Variants in GSTCD observed in about 807,000 individuals in gnomAD.
GSTCD encodes glutathione S-transferase C-terminal domain-containing protein.
GSTCD carries 44 observed loss-of-function variants against 68.3 expected under a neutral mutation model. That is an observed-to-expected ratio of 0.64 (90% CI 0.51 to 0.83). GSTCD has a LOEUF of 0.83. Ranked by LOEUF, GSTCD falls within the 40% of genes least tolerant of loss-of-function variation. GSTCD has a pLI of 0.00. For missense variants in GSTCD, 739 were observed against 735.9 expected (o/e 1.00, Z -0.05); for synonymous variants, 273 against 255.2 (o/e 1.07, Z -0.67).
rs1732412581 is a variant in GSTCD at position 105,708,934 on chromosome 4, C to G, written c.-104C>G. The G allele has an allele frequency of 6.5e-6, 1 of 152,754 alleles. No individual in the cohort carries two copies. Among genetic ancestry groups the G allele is most frequent in the Non-Finnish European group, 1.5e-5 (1 of 68,168 alleles). 9.5% of individuals were successfully genotyped at this position (152,754 alleles called of 1,614,324 possible). The stretch of plus-strand genomic sequence containing the variant: ...CAGAGGCAGCCTTGGAATTCCAGCT[C>G]GGACTGGGCGGGAAGGCGCAGGCGG... On this transcript the variant is annotated 5_prime_UTR_variant, in exon 1 of 12. Coordinates refer to ENST00000515279, the MANE Select transcript of GSTCD (RefSeq NM_001370181.1).
At chr4:105,839,617 G>C (rs1379507571) in intron 10 of GSTCD, among the ~76,000 whole-genome samples, 2 of 151,946 alleles carry the variant, frequency 1.3e-5, no homozygotes, top group East Asian at 1.9e-4. Flanking sequence ...TTTCAGCCCG[G>C]GTGAGAGAGT....
At chr4:105,811,594 G>C (rs1722754612) in intron 5 of GSTCD, among the ~76,000 whole-genome samples, 1 of 150,968 alleles carries the variant, frequency 6.6e-6, no homozygotes, top group Admixed American at 6.6e-5. Context: ...TGACGAGTTA[G>C]TGGGTGCAGC....
At chr4:105,743,630 A>ATTT (rs1410352899) in intron 5 of GSTCD, among the ~76,000 whole-genome samples, 1 of 148,398 alleles carries the variant, frequency 6.7e-6, no homozygotes, top group Non-Finnish European at 1.5e-5. Flanking sequence ...AAATACTTAA[A>ATTT]TATTTCCTAA....
chr4:105,726,685 A>G lies in GSTCD; in HGVS notation c.1001A>G (p.Lys334Arg), dbSNP rs1733047351. Residue 334 changes from lysine to arginine, a missense_variant, in exon 4 of 12, where the codon AAG (lysine) becomes AGG (arginine). Physicochemically the swap from Lys to Arg is conservative, Grantham distance 26. Coordinates refer to ENST00000515279, the MANE Select transcript of GSTCD (RefSeq NM_001370181.1). Reference protein sequence around the residue: ...EVPGVKTAASKCGIQFLHLPK... With the variant: ...EVPGVKTAASRCGIQFLHLPK... ...CCAGGAGTAAAAACAGCAGCTTCTA[A>G]GTGTGGGATCCAATTTCTCCATTTA... 7 of 1,613,902 alleles carry G rather than the reference A, an allele frequency of 4.3e-6. No individual in the cohort carries two copies. Among genetic ancestry groups the G allele is most frequent in the Admixed American group, 1.7e-5 (1 of 59,948 alleles).
At chr4:105,782,883 T>C (rs1336662462) in intron 5 of GSTCD, among the ~76,000 whole-genome samples, 1 of 152,220 alleles carries the variant, frequency 6.6e-6, no homozygotes, top group Non-Finnish European at 1.5e-5. Flanking sequence ...CTTTAAGTTT[T>C]ATGAAAAGAA....
intron 5 of GSTCD, among the ~76,000 whole-genome samples, chr4:105,790,191 A>G (rs780965624): frequency 6.6e-6 from 1 of 152,076 alleles, no homozygotes; most frequent in African/African-American, 2.4e-5. Context: ...TAAAACTTCA[A>G]ACTACACACC....
intron 5 of GSTCD, among the ~76,000 whole-genome samples, chr4:105,732,783 A>C (rs201880368): frequency 6.6e-6 from 1 of 152,134 alleles, no homozygotes; most frequent in Admixed American, 6.5e-5. Context: ...TTGTGATGTT[A>C]GGATGTCAAT....
At chr4:105,830,973 C>T (rs548379553) in intron 8 of GSTCD, among the ~76,000 whole-genome samples, 13 of 152,210 alleles carry the variant, frequency 8.5e-5, no homozygotes, top group Non-Finnish European at 1.5e-4. Flanking sequence ...TATCAATATA[C>T]GTTCATCATA....
intron 5 of GSTCD, chr4:105,815,020 C>A (rs931027905): frequency 6.6e-6 from 1 of 152,156 alleles, no homozygotes; most frequent in Non-Finnish European, 1.5e-5. Context: ...TAGTATTGAG[C>A]ACTATCTCAT....
chr4:105,775,125 C>T (rs1486243455), intron 5 of GSTCD, among the ~76,000 whole-genome samples: 3 of 152,112 alleles, frequency 2.0e-5, no homozygotes, highest in African/African-American at 7.2e-5. Context: ...TCTCTGATAT[C>T]CTTTCTTCTT....
intron 5 of GSTCD, among the ~76,000 whole-genome samples, chr4:105,785,320 A>G (rs1174227276): frequency 1.3e-5 from 2 of 152,200 alleles, no homozygotes; most frequent in African/African-American, 4.8e-5. Flanking sequence ...ACTCTCAGCA[A>G]AGTATTAGTT....
chr4:105,801,425 C>G (rs548948492), intron 5 of GSTCD, among the ~76,000 whole-genome samples: 1 of 151,966 alleles, frequency 6.6e-6, no homozygotes, highest in Non-Finnish European at 1.5e-5. Flanking sequence ...GATATCAAGA[C>G]GGAATGAGTG....
chr4:105,758,208 T>C lies in GSTCD; in HGVS notation c.1240+28709T>C, dbSNP rs992043405. Among the ~76,000 whole-genome samples, 62 of 152,246 alleles carry C rather than the reference T, an allele frequency of 4.1e-4. 1 individual carries two copies. The highest frequency in any genetic ancestry group is 2.5e-4 in the Non-Finnish European group (17 of 68,038). ...GTTGAATATAAAGTTGCCCTCAACT[T>C]ATCATTATCGCAGATAACACTACAG... On this transcript the variant is annotated intron_variant, in intron 5 of 11. Transcript: ENST00000515279.
intron 5 of GSTCD, 136 bp from the exon 6 acceptor site, chr4:105,822,818 A>ATTT: frequency 1.8e-6 from 1 of 544,440 alleles, no homozygotes; most frequent in South Asian, 2.9e-5. Context: ...ATCATTTATT[A>ATTT]TTTTATATGT....
At chr4:105,730,663 T>C (rs1245786332) in intron 5 of GSTCD, among the ~76,000 whole-genome samples, 2 of 152,182 alleles carry the variant, frequency 1.3e-5, no homozygotes, top group Non-Finnish European at 2.9e-5. Context: ...GATGAGTAGA[T>C]GGCAAAAAAT....
At chr4:105,752,792 T>A (rs1262874717) in intron 5 of GSTCD, among the ~76,000 whole-genome samples, 1 of 152,104 alleles carries the variant, frequency 6.6e-6, no homozygotes, top group Non-Finnish European at 1.5e-5. Context: ...AATAATACTA[T>A]TTTTAAGTAT....
At chr4:105,806,847 C>T (rs1722521133) in intron 5 of GSTCD, among the ~76,000 whole-genome samples, 1 of 152,084 alleles carries the variant, frequency 6.6e-6, no homozygotes, top group African/African-American at 2.4e-5. Context: ...ATCCTATTCC[C>T]ATTTAAGCCC....
At chr4:105,780,216 C>A (rs1735225773) in intron 5 of GSTCD, among the ~76,000 whole-genome samples, 1 of 152,178 alleles carries the variant, frequency 6.6e-6, no homozygotes, top group Non-Finnish European at 1.5e-5. Context: ...TGACTTATTA[C>A]CAGCAACCTG....
chr4:105,808,820 G>A (rs371208042), intron 5 of GSTCD, among the ~76,000 whole-genome samples: 69 of 152,210 alleles, frequency 4.5e-4, no homozygotes, highest in Admixed American at 1.2e-3. Context: ...ATCCCACTGC[G>A]TTCTGCCTGG....
Sources: allele counts gnomAD v4.1 joint callset (sites outside exome capture counted in the v4.1 genomes callset), GRCh38; gene constraint gnomAD v4.1.1; transcripts MANE v1.5; gene names NCBI Gene and HGNC (gene_info 2026-07-23, HGNC 2026-07-21).